The following PCDHGB5 variants were observed in gnomAD, a reference collection of about 807,000 sequenced individuals.
The protein encoded by PCDHGB5 is protocadherin gamma-B5.
Under a neutral mutation model 62.9 loss-of-function variants are expected in PCDHGB5, and 48 were observed. The observed-to-expected ratio is 0.76, with a 90% CI of 0.61 to 0.97. PCDHGB5 has a LOEUF of 0.97. PCDHGB5 is among the 50% of genes least tolerant of loss of function. PCDHGB5 has a pLI of 0.00. For missense variants in PCDHGB5, 1,118 were observed against 1,198.6 expected (o/e 0.93, Z 0.99); for synonymous variants, 474 against 511.2 (o/e 0.93, Z 0.98).
chr5:141,400,513 C>A lies in PCDHGB5; in HGVS notation c.2386C>A (p.His796Asn). The change falls in exon 1 of 4, where the codon CAT (histidine) becomes AAT (asparagine). Residue 796 changes from histidine (H) to asparagine (N), a missense_variant. Coordinates refer to ENST00000617380, the MANE Select transcript of PCDHGB5 (RefSeq NM_018925.3). The stretch of plus-strand genomic sequence containing the variant: ...TTGTAATTCCAGCGAGTCGACTTCC[C>A]ATCCTGAGTTGGTGAGTTTCATTTA... ...PLCNSSESTS[H>N]PELQAPPNTD... is the part of the protein sequence containing the mutation. 1 of 1,613,994 alleles carries A rather than the reference C, an allele frequency of 6.2e-7. No homozygotes were observed. The highest frequency in any genetic ancestry group is 8.5e-7 in the Non-Finnish European group (1 of 1,179,848).
At position 141,432,612 on chromosome 5, in the gene PCDHGB5, C is replaced by A. The variant is rs752901891; in HGVS notation, c.2397+32088C>A. On this transcript the variant is annotated intron_variant, in intron 1 of 3. Transcript: ENST00000617380. This position sits in a 1 kb window ranked among gnomAD's most constrained non-coding sequence, Gnocchi z 6.0. ...AAGGCCAGCGAGCCGGGACTCTTCT[C>A]GGTGGGTCTGCACACGGGCGAGGTG... 1 of 1,613,912 alleles carries A rather than the reference C, an allele frequency of 6.2e-7. No individual in the cohort carries two copies. The highest frequency in any genetic ancestry group is 1.1e-5 in the South Asian group (1 of 91,062).
At chr5:141,475,448 G>A (rs774710049) in intron 1 of PCDHGB5, among the ~76,000 whole-genome samples, 1 of 152,214 alleles carries the variant, frequency 6.6e-6, no homozygotes, top group Non-Finnish European at 1.5e-5. Flanking sequence ...CAGATAATGA[G>A]GAAGTGACAG....
intron 1 of PCDHGB5, among the ~76,000 whole-genome samples, chr5:141,463,542 G>A (rs1376087953): frequency 7.1e-6 from 1 of 141,810 alleles, no homozygotes; most frequent in African/African-American, 2.6e-5. Context: ...TCCGGCTCCC[G>A]GGTTCATGCC....
intron 1 of PCDHGB5, among the ~76,000 whole-genome samples, chr5:141,436,328 A>G (rs146180035): frequency 6.6e-6 from 1 of 152,326 alleles, no homozygotes; most frequent in East Asian, 1.9e-4. Flanking sequence ...CTGTTAGACC[A>G]TATCTCAAAT....
In PCDHGB5 at chr5:141,442,072, C is replaced by G. The variant is rs1034351866; in HGVS notation, c.2397+41548C>G. On this transcript the variant is annotated intron_variant, in intron 1 of 3. Transcript: ENST00000617380. ...GTCGCGGTGCACTGCGGTGGACAGC[C>G]GCTCCTCTCGCTACCGCCACGTCAC... 17 of 175,092 alleles carry G rather than the reference C, an allele frequency of 9.7e-5. No homozygotes were observed. The South Asian group carries it at 1.5e-3, about 16-fold the overall frequency. 10.8% of individuals were successfully genotyped at this position (175,092 alleles called of 1,614,324 possible). A position where few individuals can be genotyped will look rare whatever the true frequency, so the allele number is the denominator to read the frequency against.
At chr5:141,500,615 A>G (rs1341597957) in intron 2 of PCDHGB5, among the ~76,000 whole-genome samples, 1 of 152,232 alleles carries the variant, frequency 6.6e-6, no homozygotes, top group East Asian at 1.9e-4. Flanking sequence ...ATTCCCAGTC[A>G]TACGGTACAT....
At chr5:141,423,758 G>GGGC (rs1554116874) in intron 1 of PCDHGB5, 82 of 366,752 alleles carry the variant, frequency 2.2e-4, no homozygotes, top group Middle Eastern at 4.2e-4. Context: ...TTTGGGGGGG[G>GGGC]GGTGGGGCGG....
intron 3 of PCDHGB5, 110 bp downstream of exon 3, chr5:141,505,591 G>A (rs2099846959): frequency 6.4e-7 from 1 of 1,570,162 alleles, no homozygotes; most frequent in Non-Finnish European, 8.7e-7. Context: ...AGTTTCTCCA[G>A]ATCTTTCGGC....
Position 141,477,304 on chromosome 5 carries a change from T to C in PCDHGB5, c.2398-17503T>C. The C allele has an allele frequency of 6.2e-7, 1 of 1,614,160 alleles. No individual in the cohort carries two copies. Among genetic ancestry groups the C allele is most frequent in the Non-Finnish European group, 8.5e-7 (1 of 1,180,030 alleles). ...CCTGCGAAGTTCCACCGGGTCTCCCTTTCAGCCTTACTTCTTCCCTCAAGA... is the reference window on the plus strand; with the variant it reads ...CCTGCGAAGTTCCACCGGGTCTCCCCTTCAGCCTTACTTCTTCCCTCAAGA... On this transcript the variant is annotated intron_variant, in intron 1 of 3. Transcript: ENST00000617380. This position sits in a 1 kb window ranked among gnomAD's most constrained non-coding sequence, Gnocchi z 4.9.
rs1057108915 is a variant in PCDHGB5 at position 141,511,366 on chromosome 5, T to C, written c.*193T>C. The C allele has an allele frequency of 3.8e-6, 5 of 1,306,414 alleles. No individual in the cohort carries two copies. In the Admixed American group the frequency reaches 8.4e-5, roughly 22 times the overall value. The allele number at this position is 1,306,414 out of a possible 1,614,324, so 80.9% of individuals were successfully genotyped here. A position where few individuals can be genotyped will look rare whatever the true frequency, so the allele number is the denominator to read the frequency against. On this transcript the variant is annotated 3_prime_UTR_variant, in exon 4 of 4. Transcript: ENST00000617380. ...CCCTTCCCCCCCAGGGGGTTGAATA[T>C]GCAAAAGCAGTTCCGCTGGGAACCC...
At chr5:141,468,560 T>G (rs571224791) in intron 1 of PCDHGB5, 1 of 152,004 alleles carries the variant, frequency 6.6e-6, no homozygotes, top group Non-Finnish European at 1.5e-5. Flanking sequence ...ATTTGTGATA[T>G]AGTAAACAAT....
Position 141,432,108 on chromosome 5 carries a change from C to G in PCDHGB5, c.2397+31584C>G. ...GTGGCAGACACCAACGACAACCCGC[C>G]GGTCTTCCCTCAGGCCTCCTATTCC... On this transcript the variant is annotated intron_variant, in intron 1 of 3. Coordinates refer to ENST00000617380, the MANE Select transcript of PCDHGB5 (RefSeq NM_018925.3). The surrounding 1 kb of genome is among the most constrained non-coding windows in gnomAD (Gnocchi z 6.0). 4 of 1,614,180 alleles carry G rather than the reference C, an allele frequency of 2.5e-6. No homozygotes were observed. The highest frequency in any genetic ancestry group is 3.4e-6 in the Non-Finnish European group (4 of 1,180,046).
In PCDHGB5 at chr5:141,486,036, G is replaced by A. The variant is rs773301300; in HGVS notation, c.2398-8771G>A. ...TATTTCAGTGGTCATACCCCTGATC[G>A]TGTAAGAAACCTCTTTAGCCTGCAC... On this transcript the variant is annotated intron_variant, in intron 1 of 3. Transcript: ENST00000617380. This position sits in a 1 kb window ranked among gnomAD's most constrained non-coding sequence, Gnocchi z 5.0. 2.5e-6 allele frequency: 4 copies of A among 1,614,048 alleles called. No individual in the cohort carries two copies. Among genetic ancestry groups the A allele is most frequent in the Admixed American group, 1.7e-5 (1 of 60,004 alleles).
At chr5:141,481,618 G>C (rs1339565594) in intron 1 of PCDHGB5, among the ~76,000 whole-genome samples, 1 of 152,142 alleles carries the variant, frequency 6.6e-6, no homozygotes, top group African/African-American at 2.4e-5. Context: ...AGGAGTTCAA[G>C]ACCGGCCTGG....
chr5:141,489,166 C>A lies in PCDHGB5; in HGVS notation c.2398-5641C>A. The A allele has an allele frequency of 9.1e-7, 1 of 1,099,536 alleles. No individual in the cohort carries two copies. The highest frequency in any genetic ancestry group is 1.3e-6 in the Non-Finnish European group (1 of 761,554). The allele number at this position is 1,099,536 out of a possible 1,614,324, so 68.1% of individuals were successfully genotyped here. ...AAGGAGACATAAGAGACTTCAGCTGCTGCATTCCAAGCCCTGGGTCTACCT... is the reference window on the plus strand; with the variant it reads ...AAGGAGACATAAGAGACTTCAGCTGATGCATTCCAAGCCCTGGGTCTACCT... On this transcript the variant is annotated intron_variant, in intron 1 of 3. Transcript: ENST00000617380. This position sits in a 1 kb window ranked among gnomAD's most constrained non-coding sequence, Gnocchi z 4.5.
chr5:141,468,809 T>A (rs1473677700), intron 1 of PCDHGB5, among the ~76,000 whole-genome samples: 1 of 151,850 alleles, frequency 6.6e-6, no homozygotes, highest in Admixed American at 6.6e-5. Flanking sequence ...GAACTTGCAG[T>A]GAGCCAAGAT....
In PCDHGB5 at chr5:141,409,580, C is replaced by T. The variant is rs969743613; in HGVS notation, c.2397+9056C>T. The T allele has an allele frequency of 3.7e-6, 6 of 1,613,922 alleles. No homozygotes were observed. The Admixed American group carries it at 8.3e-5, about 22-fold the overall frequency. The stretch of plus-strand genomic sequence containing the variant: ...TTTCGACCAGACGTCCTACGTGGTC[C>T]ACGTGGCCGAGAACAACCCGCCAGG... On this transcript the variant is annotated intron_variant, in intron 1 of 3. Transcript: ENST00000617380.
intron 1 of PCDHGB5, among the ~76,000 whole-genome samples, chr5:141,463,539 C>T (rs1408887405): frequency 6.7e-6 from 1 of 148,606 alleles, no homozygotes; most frequent in Admixed American, 6.8e-5. Context: ...AACTCCGGCT[C>T]CCGGGTTCAT....
At position 141,490,108 on chromosome 5, in the gene PCDHGB5, C is replaced by T. The variant is rs566655929; in HGVS notation, c.2398-4699C>T. 1.4e-5 allele frequency: 22 copies of T among 1,614,244 alleles called. No individual in the cohort carries two copies. Among genetic ancestry groups the T allele is most frequent in the South Asian group, 5.5e-5 (5 of 91,090 alleles). The stretch of plus-strand genomic sequence containing the variant: ...TGGAGACCACACATCTGAGGCAGTG[C>T]GGAACCTCTTTGGCCTAGACCCTAG... On this transcript the variant is annotated intron_variant, in intron 1 of 3. Coordinates refer to ENST00000617380, the MANE Select transcript of PCDHGB5 (RefSeq NM_018925.3). This position sits in a 1 kb window ranked among gnomAD's most constrained non-coding sequence, Gnocchi z 5.4.
Sources: gnomAD v4.1 joint callset for allele counts (sites outside exome capture counted in the v4.1 genomes callset) on GRCh38, gnomAD v4.1.1 for gene constraint, Gnocchi (gnomAD v3.1) non-coding constraint, MANE v1.5 for transcripts, NCBI Gene and HGNC (gene_info 2026-07-23, HGNC 2026-07-21) for gene names.